MTMR4: variants seen among roughly 807,000 people sequenced by gnomAD.
The protein encoded by MTMR4 is myotubularin related protein 4, also known as phosphatidylinositol-3,5-bisphosphate 3-phosphatase MTMR4.
A neutral mutation model predicts 125.5 loss-of-function variants in MTMR4; 30 were observed. The observed-to-expected ratio is 0.24, with a 90% CI of 0.18 to 0.32. MTMR4 has a LOEUF of 0.32. Among genes scored for constraint, MTMR4 ranks in the 10% least tolerant of loss-of-function variants. MTMR4 has a pLI of 1.00. For missense variants in MTMR4, 1,039 were observed against 1,511.5 expected (o/e 0.69, Z 5.18); for synonymous variants, 498 against 564.5 (o/e 0.88, Z 1.67).
intron 3 of MTMR4, 104 bp from the exon 4 acceptor site, chr17:58,511,615 A>C (rs1975934978): frequency 2.2e-6 from 2 of 906,362 alleles, no homozygotes; most frequent in East Asian, 5.0e-5. Flanking sequence ...AAGGAAACCA[A>C]CATTTACTGA....
At chr17:58,514,877 C>T (rs2143943997), upstream of MTMR4, 2 of 517,216 alleles carry the variant, frequency 3.9e-6, no homozygotes, top group Non-Finnish European at 5.0e-6. Flanking sequence ...TCTTACAAAC[C>T]CATCCCCGCG....
chr17:58,505,723 CACA>C (rs1255205077), intron 9 of MTMR4, 140 bp from the exon 10 acceptor site: 66 of 484,388 alleles, frequency 1.4e-4, no homozygotes, highest in Admixed American at 9.5e-4. Context: ...GCCTGACTAA[CACA>C]GTGAAACCCC....
At chr17:58,518,097 G>C (rs574772440), upstream of MTMR4, among the ~76,000 whole-genome samples, 1 of 152,354 alleles carries the variant, frequency 6.6e-6, no homozygotes, top group Non-Finnish European at 1.5e-5. Context: ...TATACCTGGA[G>C]GAAGGAGGCG....
In MTMR4 at chr17:58,504,947, T is replaced by C. The variant is rs1230510644; in HGVS notation, c.1173A>G (p.Lys391=). The change falls in exon 11 of 18, where the codon AAA becomes AAG. Residue 391 remains lysine, a synonymous_variant. Transcript: ENST00000682306. This position sits in a 1 kb window ranked among gnomAD's most constrained non-coding sequence, Gnocchi z 7.1. The part of the protein sequence containing the change: ...SNWLSALEST[K]WLQHLSVMLK... ...GCATCACCGACAAGTGCTGCAGCCATTTGGTACTCTCCAGTGCCGACAACC... is the reference window on the plus strand; with the variant it reads ...GCATCACCGACAAGTGCTGCAGCCACTTGGTACTCTCCAGTGCCGACAACC... 1.2e-6 allele frequency: 2 copies of C among 1,612,012 alleles called. No individual in the cohort carries two copies. Among genetic ancestry groups the C allele is most frequent in the East Asian group, 2.2e-5 (1 of 44,860 alleles).
intron 15 of MTMR4, 102 bp downstream of exon 15, chr17:58,494,830 C>T: frequency 1.9e-6 from 2 of 1,079,192 alleles, no homozygotes; most frequent in Non-Finnish European, 1.3e-6. Context: ...AGGCACCTAA[C>T]TCAGTGGCAC....
At chr17:58,511,128 A>G in intron 4 of MTMR4, 1 of 225,328 alleles carries the variant, frequency 4.4e-6, no homozygotes, top group Non-Finnish European at 8.7e-6. Context: ...AAATAAATAA[A>G]CCAACAATAA....
At chr17:58,496,414 C>T (rs890061816) in intron 14 of MTMR4, 84 bp from the exon 15 acceptor site, 1 of 1,146,568 alleles carries the variant, frequency 8.7e-7, no homozygotes, top group African/African-American at 1.6e-5. Context: ...GGAGCAATAT[C>T]AAAGCCAGAG....
rs1401841515 is a variant in MTMR4, at chr17:58,511,557, C to T, written c.253-46G>A. On this transcript the variant is annotated intron_variant, in intron 3 of 17. Transcript: ENST00000682306. ...GAAGCTCAGACTCCCCACTGGGTAC[C>T]ACTCCTCACCCTCACCCTAGCGTAG... The T allele has an allele frequency of 2.7e-6, 4 of 1,508,472 alleles. No individual in the cohort carries two copies. The South Asian group carries it at 4.6e-5, about 17-fold the overall frequency. The allele number at this position is 1,508,472 out of a possible 1,614,324, so 93.4% of individuals were successfully genotyped here.
intron 14 of MTMR4, among the ~76,000 whole-genome samples, chr17:58,498,539 G>T (rs1598214968): frequency 1.0e-5 from 1 of 95,248 alleles, no homozygotes. Context: ...GGGGGAGGAG[G>T]GGGGAGGAGG....
At chr17:58,514,746 C>G, upstream of MTMR4, 1 of 895,174 alleles carries the variant, frequency 1.1e-6, no homozygotes, top group Non-Finnish European at 1.3e-6. Context: ...CCCGCGGACC[C>G]TGGGCCTCGT....
intron 14 of MTMR4, among the ~76,000 whole-genome samples, chr17:58,500,285 C>G (rs1975586275): frequency 6.6e-6 from 1 of 152,132 alleles, no homozygotes; most frequent in Admixed American, 6.5e-5. Flanking sequence ...CGCCACCATG[C>G]CTGGCTAATT....
At chr17:58,497,021 T>C (rs1436859361) in intron 14 of MTMR4, among the ~76,000 whole-genome samples, 1 of 152,170 alleles carries the variant, frequency 6.6e-6, no homozygotes, top group Non-Finnish European at 1.5e-5. Context: ...AAACTTCCCC[T>C]AGTATATAGC....
upstream of MTMR4, among the ~76,000 whole-genome samples, chr17:58,516,979 G>A (rs1382614566): frequency 6.6e-6 from 1 of 152,238 alleles, no homozygotes; most frequent in Admixed American, 6.5e-5. Flanking sequence ...CCCAACTGGG[G>A]CTCATTTTAG....
rs193188201 is a variant in MTMR4 at position 58,496,411 on chromosome 17, T to C, written c.1854-81A>G. On this transcript the variant is annotated intron_variant, in intron 14 of 17. Transcript: ENST00000682306. ...ATATGGAACTGAATCAATGGAGCAA[T>C]ATCAAAGCCAGAGTTTAGAAATAAT... 89 of 1,169,038 alleles carry C rather than the reference T, an allele frequency of 7.6e-5. No individual in the cohort carries two copies. The African/African-American group carries it at 1.3e-3, about 17-fold the overall frequency. 72.4% of individuals were successfully genotyped at this position (1,169,038 alleles called of 1,614,324 possible). A position where few individuals can be genotyped will look rare whatever the true frequency, so the allele number is the denominator to read the frequency against.
Position 58,492,608 on chromosome 17 carries a change from A to G in MTMR4, c.3364-9T>C, listed in dbSNP as rs764362429. The G allele has an allele frequency of 1.9e-6, 3 of 1,613,210 alleles. No homozygotes were observed. The highest frequency in any genetic ancestry group is 1.7e-6 in the Non-Finnish European group (2 of 1,179,526). On this transcript the variant is annotated splice_polypyrimidine_tract_variant and intron_variant, in intron 16 of 17. Transcript: ENST00000682306. Reference sequence around the variant, plus strand: ...GGAACCCAGCGAGTCACCTAATAGAAGGCACAAAGAAAAATTCCTGGTCCT... The same window carrying G: ...GGAACCCAGCGAGTCACCTAATAGAGGGCACAAAGAAAAATTCCTGGTCCT...
At chr17:58,497,776 A>C (rs941158926) in intron 14 of MTMR4, among the ~76,000 whole-genome samples, 16 of 152,226 alleles carry the variant, frequency 1.1e-4, no homozygotes, top group Non-Finnish European at 1.5e-4. Flanking sequence ...CAGGCATCTT[A>C]GTGGATCTTC....
chr17:58,517,410 G>A (rs2042032103), upstream of MTMR4, among the ~76,000 whole-genome samples: 1 of 152,242 alleles, frequency 6.6e-6, no homozygotes, highest in African/African-American at 2.4e-5. Context: ...GGGAGGCTGC[G>A]GGGATAAAAG....
At position 58,490,797 on chromosome 17, in the gene MTMR4, A is replaced by C. The variant is rs929539566; in HGVS notation, c.*866T>G. 2.0e-5 allele frequency: 3 copies of C among 152,644 alleles called. No homozygotes were observed. The highest frequency in any genetic ancestry group is 7.2e-5 in the African/African-American group (3 of 41,450). 9.5% of individuals were successfully genotyped at this position (152,644 alleles called of 1,614,324 possible). A position where few individuals can be genotyped will look rare whatever the true frequency, so the allele number is the denominator to read the frequency against. On this transcript the variant is annotated 3_prime_UTR_variant, in exon 18 of 18. Transcript: ENST00000682306. ...AAGGTGTAGCTCCTGTGTTAGCACCAGGACAACTAGGAAAAGTCAGGTGCA... is the reference window on the plus strand; with the variant it reads ...AAGGTGTAGCTCCTGTGTTAGCACCCGGACAACTAGGAAAAGTCAGGTGCA...
Position 58,507,951 on chromosome 17 carries a change from A to T in MTMR4, c.707+210T>A, listed in dbSNP as rs62082150. ...CACACACACACACACACACACACACACACTCTAAAAAAAGGGGGGGAATGA... is the reference window on the plus strand; with the variant it reads ...CACACACACACACACACACACACACTCACTCTAAAAAAAGGGGGGGAATGA... On this transcript the variant is annotated intron_variant, in intron 7 of 17. Transcript: ENST00000682306. 9.2e-4 allele frequency: 410 copies of T among 446,354 alleles called. 3 individuals carry two copies. The highest frequency in any genetic ancestry group is 2.0e-3 in the South Asian group (91 of 45,822). The allele number at this position is 446,354 out of a possible 1,614,324, so 27.6% of individuals were successfully genotyped here. A position where few individuals can be genotyped will look rare whatever the true frequency, so the allele number is the denominator to read the frequency against.
Sources: gnomAD v4.1 joint callset for allele counts (sites outside exome capture counted in the v4.1 genomes callset) on GRCh38, gnomAD v4.1.1 for gene constraint, Gnocchi (gnomAD v3.1) non-coding constraint, MANE v1.5 for transcripts, NCBI Gene and HGNC (gene_info 2026-07-23, HGNC 2026-07-21) for gene names.